The following CSMD1 variants were observed in gnomAD, a reference collection of about 807,000 sequenced individuals.
CSMD1 encodes CUB and Sushi multiple domains 1.
In CSMD1, 213 loss-of-function variants were observed where a neutral mutation model predicts 417.5. The ratio of observed to expected loss-of-function variants is 0.51; its 90% CI spans 0.46 to 0.57. The LOEUF is 0.57. Among genes scored for constraint, CSMD1 ranks in the 20% least tolerant of loss-of-function variants. The pLI is 0.00. For missense variants in CSMD1, 6,923 were observed against 4,529.7 expected, an observed-to-expected ratio of 1.53 and a Z score of -15.17; for synonymous variants, 2,862 against 1,736.8, an observed-to-expected ratio of 1.65 and a Z score of -16.11.
intron 2 of CSMD1, among the ~76,000 whole-genome samples, chr8:4,522,008 G>C (rs1326429284): frequency 1.3e-5 from 2 of 152,128 alleles, no homozygotes; most frequent in Non-Finnish European, 2.9e-5. Flanking sequence ...AAAATCAAGT[G>C]AACTGTGAAA....
intron 25 of CSMD1, among the ~76,000 whole-genome samples, chr8:3,295,883 C>T (rs1409243364): frequency 1.3e-5 from 2 of 152,034 alleles, no homozygotes; most frequent in African/African-American, 2.4e-5. Context: ...TTCAATAATT[C>T]AACATTTACT....
chr8:4,585,064 T>G (rs938539992), intron 2 of CSMD1, among the ~76,000 whole-genome samples: 7 of 144,386 alleles, frequency 4.8e-5, no homozygotes, highest in Admixed American at 4.2e-4. Context: ...TTACCCAGCA[T>G]ACCAGGAGAA....
intron 5 of CSMD1, chr8:3,950,025 C>G (rs1811500456): frequency 2.2e-6 from 1 of 455,690 alleles, no homozygotes; most frequent in African/African-American, 2.0e-5. Flanking sequence ...ACGGCATTTC[C>G]TGTGCGTATT....
At chr8:4,040,837 G>T (rs969459302) in intron 3 of CSMD1, among the ~76,000 whole-genome samples, 5 of 151,850 alleles carry the variant, frequency 3.3e-5, no homozygotes, top group African/African-American at 1.2e-4. Context: ...TAGCAGCTCC[G>T]GACAATCGAA....
intron 10 of CSMD1, among the ~76,000 whole-genome samples, chr8:3,528,422 T>G (rs932045145): frequency 2.6e-5 from 4 of 152,202 alleles, no homozygotes; most frequent in African/African-American, 7.2e-5. Context: ...AGGATGGCTC[T>G]GTATGCAAGT....
At chr8:3,297,010 G>C (rs559330442) in intron 25 of CSMD1, among the ~76,000 whole-genome samples, 2 of 152,122 alleles carry the variant, frequency 1.3e-5, no homozygotes, top group African/African-American at 2.4e-5. Flanking sequence ...TGAAATCTTC[G>C]AAGTTCTTAG....
At chr8:3,920,264 G>C (rs1006131035) in intron 5 of CSMD1, among the ~76,000 whole-genome samples, 1 of 151,748 alleles carries the variant, frequency 6.6e-6, no homozygotes, top group African/African-American at 2.4e-5. Flanking sequence ...TGAACTCCTG[G>C]GCTCAAGTGA....
chr8:4,550,219 G>A (rs1038291051), intron 2 of CSMD1, among the ~76,000 whole-genome samples: 1 of 151,776 alleles, frequency 6.6e-6, no homozygotes, highest in Non-Finnish European at 1.5e-5. Flanking sequence ...CCTCTTGAAA[G>A]CACATTTCTC....
chr8:4,771,974 A>G (rs999019784), intron 1 of CSMD1, among the ~76,000 whole-genome samples: 1 of 152,160 alleles, frequency 6.6e-6, no homozygotes, highest in African/African-American at 2.4e-5. Context: ...GATCACAAAC[A>G]TTCTGGCTTC....
intron 23 of CSMD1, among the ~76,000 whole-genome samples, chr8:3,311,594 T>G (rs749644966): frequency 6.6e-6 from 1 of 152,228 alleles, no homozygotes. Flanking sequence ...AGACGATTTG[T>G]GCTAGTATTG....
Position 4,660,997 on chromosome 8 carries a change from G to T in CSMD1, c.86-23439C>A, listed in dbSNP as rs180766743. Among the ~76,000 whole-genome samples, 271 of 152,202 alleles carry T rather than the reference G, an allele frequency of 1.8e-3. 1 individual carries two copies. The highest frequency in any genetic ancestry group is 6.3e-3 in the African/African-American group (262 of 41,540). On this transcript the variant is annotated intron_variant, in intron 1 of 69. Coordinates refer to ENST00000635120, the MANE Select transcript of CSMD1 (RefSeq NM_033225.6). ...ATCTGGTTAGCATAAGAAGAAAATG[G>T]ATCATACATACATTGCTGGTTGGAA... is the stretch of plus-strand genomic sequence containing the variant.
At chr8:4,385,539 A>AT (rs555504556) in intron 3 of CSMD1, among the ~76,000 whole-genome samples, 104 of 152,226 alleles carry the variant, frequency 6.8e-4, no homozygotes, top group African/African-American at 2.3e-3. Context: ...ATCTCCTTTC[A>AT]TTTTTTTGGA....
rs78183720 is a variant in CSMD1 at position 3,429,570 on chromosome 8, C to T, written c.1562-19965G>A. 3.8e-4 allele frequency among the ~76,000 whole-genome samples: 58 copies of T among 152,218 alleles called. No homozygotes were observed. In the East Asian group the frequency reaches 9.5e-3, roughly 25 times the overall value. ...TCAATATCTTTCACTATGAGGTATT[C>T]GCACTCTGGGAGGGGTCAACAATGT... is the stretch of plus-strand genomic sequence containing the variant. On this transcript the variant is annotated intron_variant, in intron 12 of 69. Transcript: ENST00000635120.
At chr8:3,579,050 G>C (rs1011455909) in intron 9 of CSMD1, among the ~76,000 whole-genome samples, 2 of 152,132 alleles carry the variant, frequency 1.3e-5, no homozygotes, top group Admixed American at 1.3e-4. Context: ...GCTTGATAAA[G>C]GTACTTGGAT....
intron 3 of CSMD1, among the ~76,000 whole-genome samples, chr8:4,032,316 T>C (rs1186543973): frequency 6.6e-6 from 1 of 152,164 alleles, no homozygotes; most frequent in African/African-American, 2.4e-5. Flanking sequence ...AAAGTGTAAA[T>C]AAATGCATTT....
intron 2 of CSMD1, among the ~76,000 whole-genome samples, chr8:4,510,791 CCCCTTT>C (rs1209961996): frequency 7.0e-6 from 1 of 143,824 alleles, no homozygotes; most frequent in African/African-American, 2.6e-5. Context: ...TCTCTTCCTT[CCCCTTT>C]CCCTTCCCTT....
rs144085772 is a variant in CSMD1 at position 3,349,712 on chromosome 8, G to A, written c.3305-1551C>T. On this transcript the variant is annotated intron_variant, in intron 21 of 69. Coordinates refer to ENST00000635120, the MANE Select transcript of CSMD1 (RefSeq NM_033225.6). Reference sequence around the variant, plus strand: ...GAAATTTATATGTATATATACTCACGAGTAGGTGTATATATCTATAATATA... The same window carrying A: ...GAAATTTATATGTATATATACTCACAAGTAGGTGTATATATCTATAATATA... Among the ~76,000 whole-genome samples the A allele has an allele frequency of 4.8e-4, 71 of 146,900 alleles. 1 individual carries two copies. Among genetic ancestry groups the A allele is most frequent in the African/African-American group, 1.6e-3 (66 of 40,218 alleles).
intron 5 of CSMD1, among the ~76,000 whole-genome samples, chr8:3,828,767 GT>G (rs1802201052): frequency 6.6e-6 from 1 of 152,094 alleles, no homozygotes; most frequent in Admixed American, 6.6e-5. Flanking sequence ...GTGAGGTCCT[GT>G]CACTTCCTCC....
intron 25 of CSMD1, among the ~76,000 whole-genome samples, chr8:3,293,013 G>C (rs1803694765): frequency 1.3e-5 from 2 of 151,994 alleles, no homozygotes; most frequent in Admixed American, 6.6e-5. Flanking sequence ...GTCTTTTAGG[G>C]CAGGCCTGGT....
Sources: gnomAD v4.1 joint callset for allele counts (sites outside exome capture counted in the v4.1 genomes callset) on GRCh38, gnomAD v4.1.1 for gene constraint, MANE v1.5 for transcripts, NCBI Gene and HGNC (gene_info 2026-07-23, HGNC 2026-07-21) for gene names.